ZNF385B: variants seen among roughly 807,000 people sequenced by gnomAD.
ZNF385B encodes zinc finger protein 533.
In ZNF385B, 23 loss-of-function variants were observed where a neutral mutation model predicts 39.2. The ratio of observed to expected loss-of-function variants is 0.59; its 90% CI spans 0.42 to 0.83. The LOEUF (loss-of-function observed/expected upper bound fraction) is 0.83. ZNF385B is among the 40% of genes least tolerant of loss of function. The pLI is 0.00. For missense variants in ZNF385B, 552 were observed against 598.9 expected (o/e 0.92, Z 0.82); for synonymous variants, 205 against 222.6 (o/e 0.92, Z 0.70).
chr2:179,704,016 G>A (rs551773893), intron 3 of ZNF385B, among the ~76,000 whole-genome samples: 2 of 152,324 alleles, frequency 1.3e-5, no homozygotes, highest in South Asian at 2.1e-4. Context: ...ACAGGCTAGA[G>A]AGACACTGAT....
At chr2:179,686,865 A>G (rs907098463) in intron 3 of ZNF385B, among the ~76,000 whole-genome samples, 8 of 152,194 alleles carry the variant, frequency 5.3e-5, no homozygotes, top group Admixed American at 4.6e-4. Context: ...TGAACTCTAC[A>G]GCACAGTTCA....
chr2:179,762,490 G>A (rs1217497160), intron 3 of ZNF385B, among the ~76,000 whole-genome samples: 1 of 151,970 alleles, frequency 6.6e-6, no homozygotes, highest in East Asian at 1.9e-4. Context: ...CCATGCCCAG[G>A]TGGTAGATTA....
chr2:179,521,170 T>TTTTTTG (rs148162465), intron 4 of ZNF385B, among the ~76,000 whole-genome samples: 9,934 of 148,078 alleles, frequency 0.067, 390 homozygotes, highest in South Asian at 0.11. Flanking sequence ...TAATACAGTT[T>TTTTTTG]TTTTTGTTTT....
chr2:179,624,698 C>T (rs1189698804), intron 3 of ZNF385B, among the ~76,000 whole-genome samples: 1 of 152,152 alleles, frequency 6.6e-6, no homozygotes, highest in African/African-American at 2.4e-5. Context: ...AATGGCTCAT[C>T]TTTGTGTGGA....
intron 1 of ZNF385B, among the ~76,000 whole-genome samples, chr2:179,783,861 T>C (rs1264637438): frequency 1.3e-5 from 2 of 152,118 alleles, no homozygotes; most frequent in Non-Finnish European, 2.9e-5. Context: ...AACACTTATA[T>C]ATACTGTTGC....
chr2:179,676,794 C>T (rs1575194760), intron 3 of ZNF385B, among the ~76,000 whole-genome samples: 2 of 152,082 alleles, frequency 1.3e-5, no homozygotes, highest in East Asian at 3.9e-4. Flanking sequence ...TTTGTTGTCA[C>T]CACTGAGGTG....
At chr2:179,631,007 A>G (rs1691152867) in intron 3 of ZNF385B, among the ~76,000 whole-genome samples, 1 of 152,220 alleles carries the variant, frequency 6.6e-6, no homozygotes, top group Non-Finnish European at 1.5e-5. Flanking sequence ...CCTCCAAGAA[A>G]CAGGGGGCTA....
intron 1 of ZNF385B, among the ~76,000 whole-genome samples, chr2:179,844,747 A>C (rs1284014113): frequency 6.6e-6 from 1 of 152,212 alleles, no homozygotes; most frequent in Non-Finnish European, 1.5e-5. Flanking sequence ...AATGTACAGG[A>C]TGTTTAATTG....
At chr2:179,823,307 C>G (rs1257630885) in intron 1 of ZNF385B, among the ~76,000 whole-genome samples, 1 of 152,056 alleles carries the variant, frequency 6.6e-6, no homozygotes, top group Non-Finnish European at 1.5e-5. Context: ...AATTTTAGTT[C>G]TAGATAAAAA....
chr2:179,774,794 A>T (rs1374230806), intron 1 of ZNF385B, among the ~76,000 whole-genome samples: 1 of 152,232 alleles, frequency 6.6e-6, no homozygotes, highest in East Asian at 1.9e-4. Flanking sequence ...CTAAAATCCC[A>T]ACTGTTTAGG....
chr2:179,442,068 C>T lies in ZNF385B; in HGVS notation c.*1182G>A, dbSNP rs916800226. 2 of 152,608 alleles carry T rather than the reference C, an allele frequency of 1.3e-5. No individual in the cohort carries two copies. Among genetic ancestry groups the T allele is most frequent in the Admixed American group, 1.3e-4 (2 of 15,282 alleles). 9.5% of individuals were successfully genotyped at this position (152,608 alleles called of 1,614,324 possible). A position where few individuals can be genotyped will look rare whatever the true frequency, so the allele number is the denominator to read the frequency against. On this transcript the variant is annotated 3_prime_UTR_variant, in exon 10 of 10. Transcript: ENST00000410066. ...TTTACAGGTTGCAGATATAGATGCTCTAAAAGAGTCCACTCTATTTTGTTG... is the reference window on the plus strand; with the variant it reads ...TTTACAGGTTGCAGATATAGATGCTTTAAAAGAGTCCACTCTATTTTGTTG...
chr2:179,714,297 G>A (rs972098115), intron 3 of ZNF385B, among the ~76,000 whole-genome samples: 1 of 152,176 alleles, frequency 6.6e-6, no homozygotes, highest in Non-Finnish European at 1.5e-5. Context: ...TTAATTCCAT[G>A]ATACCTTCAT....
chr2:179,622,320 G>T (rs1690286371), intron 3 of ZNF385B, among the ~76,000 whole-genome samples: 1 of 152,106 alleles, frequency 6.6e-6, no homozygotes, highest in Non-Finnish European at 1.5e-5. Context: ...TTTTAGCCTA[G>T]CTTGGGTTGG....
At chr2:179,708,336 C>T (rs1274010433) in intron 3 of ZNF385B, among the ~76,000 whole-genome samples, 3 of 152,200 alleles carry the variant, frequency 2.0e-5, no homozygotes, top group Non-Finnish European at 4.4e-5. Flanking sequence ...CTTTGCCTTC[C>T]ACCCTCCCCA....
intron 1 of ZNF385B, among the ~76,000 whole-genome samples, chr2:179,786,079 CCCTCCACCAGCA>C (rs1405994397): frequency 6.6e-6 from 1 of 152,142 alleles, no homozygotes; most frequent in African/African-American, 2.4e-5. Context: ...TGAGGTAAAA[CCCTCCACCAGCA>C]AAAACATTAT....
intron 3 of ZNF385B, among the ~76,000 whole-genome samples, chr2:179,670,246 T>C (rs988593085): frequency 6.3e-5 from 9 of 143,836 alleles, no homozygotes; most frequent in East Asian, 2.0e-4. Flanking sequence ...GGGCCGAGAT[T>C]GCGCCACTGC....
At chr2:179,571,525 C>T (rs1362511480) in intron 3 of ZNF385B, among the ~76,000 whole-genome samples, 1 of 152,196 alleles carries the variant, frequency 6.6e-6, no homozygotes, top group South Asian at 2.1e-4. Flanking sequence ...CAACTCATAT[C>T]CCTGTTTTGG....
intron 3 of ZNF385B, among the ~76,000 whole-genome samples, chr2:179,672,716 T>G (rs1490175425): frequency 6.6e-6 from 1 of 152,188 alleles, no homozygotes; most frequent in Non-Finnish European, 1.5e-5. Flanking sequence ...GAGAAAACTC[T>G]TTTTCATCTA....
chr2:179,610,036 G>T (rs1263067471), intron 3 of ZNF385B, among the ~76,000 whole-genome samples: 2 of 151,964 alleles, frequency 1.3e-5, no homozygotes, highest in African/African-American at 4.8e-5. Flanking sequence ...TTGATTGTTT[G>T]CTTTGCTGTA....
Sources: allele counts gnomAD v4.1 joint callset (sites outside exome capture counted in the v4.1 genomes callset), GRCh38; gene constraint gnomAD v4.1.1; transcripts MANE v1.5; gene names NCBI Gene and HGNC (gene_info 2026-07-23, HGNC 2026-07-21).